CWF19L2: variants seen among roughly 807,000 people sequenced by gnomAD.
CWF19L2 encodes the protein CWF19 like cell cycle control factor 2.
Under a neutral mutation model 111.7 loss-of-function variants are expected in CWF19L2, and 98 were observed. The ratio of observed to expected loss-of-function variants is 0.88; its 90% confidence interval spans 0.75 to 1.04. The LOEUF (loss-of-function observed/expected upper bound fraction) is 1.04. Ranked by LOEUF, CWF19L2 falls within the 50% of genes least tolerant of loss-of-function variation. The probability of loss-of-function intolerance (pLI) is 0.00; values close to 1 mark genes in which losing one functional copy is unlikely to be tolerated. For missense variants in CWF19L2, 1,101 were observed against 1,051.4 expected, an observed-to-expected ratio of 1.05 and a Z score of -0.65; for synonymous variants, 351 against 342.9, an observed-to-expected ratio of 1.02 and a Z score of -0.26.
chr11:107,398,660 G>A (rs1860957556), intron 10 of CWF19L2, among the ~76,000 whole-genome samples: 1 of 152,188 alleles, frequency 6.6e-6, no homozygotes, highest in South Asian at 2.1e-4. Context: ...GACGTAGACA[G>A]CCAAATACAA....
chr11:107,378,163 T>C (rs956355184), intron 12 of CWF19L2, among the ~76,000 whole-genome samples: 3 of 150,298 alleles, frequency 2.0e-5, no homozygotes, highest in Non-Finnish European at 3.0e-5. Context: ...TTTTACACTG[T>C]TGGTGGGACT....
intron 10 of CWF19L2, among the ~76,000 whole-genome samples, chr11:107,401,714 C>A (rs968473199): frequency 1.3e-5 from 2 of 152,028 alleles, no homozygotes; most frequent in African/African-American, 4.8e-5. Context: ...TCACTCTTCA[C>A]AGAATTAGAA....
At chr11:107,354,505 T>G (rs1467922220) in intron 12 of CWF19L2, among the ~76,000 whole-genome samples, 2 of 152,208 alleles carry the variant, frequency 1.3e-5, no homozygotes, top group Non-Finnish European at 2.9e-5. Context: ...CAGAAGAGTT[T>G]TAGATTTCCA....
intron 14 of CWF19L2, among the ~76,000 whole-genome samples, chr11:107,347,113 A>T (rs1437859663): frequency 6.6e-6 from 1 of 152,180 alleles, no homozygotes; most frequent in Non-Finnish European, 1.5e-5. Flanking sequence ...TTTAGAGGGA[A>T]CCAAGTTTCA....
intron 11 of CWF19L2, among the ~76,000 whole-genome samples, chr11:107,392,078 T>C (rs1216361215): frequency 6.6e-6 from 1 of 152,032 alleles, no homozygotes; most frequent in Non-Finnish European, 1.5e-5. Flanking sequence ...TCCCATTACA[T>C]TAGAAGACAT....
intron 7 of CWF19L2, among the ~76,000 whole-genome samples, chr11:107,432,435 T>C (rs968069316): frequency 6.6e-6 from 1 of 151,952 alleles, no homozygotes; most frequent in African/African-American, 2.4e-5. Flanking sequence ...ATACAAAAAT[T>C]AGCCAGGCGT....
At position 107,329,929 on chromosome 11, in the gene CWF19L2, A is replaced by T; in HGVS notation, c.2530T>A (p.Tyr844Asn). 6.3e-7 allele frequency: 1 copy of T among 1,577,842 alleles called. No individual in the cohort carries two copies. The highest frequency in any genetic ancestry group is 8.6e-7 in the Non-Finnish European group (1 of 1,163,620). ...ATTTGTAAGCCTACCTTTCCAAAGT[A>T]ATGAGGGAATTTGTGCTGATCTTCA... ...VIEDQHKFPH[Y>N]FGKEIIGGML... is the part of the protein sequence containing the mutation. Residue 844 changes from tyrosine (Y) to asparagine (N), a missense_variant, in exon 17 of 18, where the codon TAC (tyrosine) becomes AAC (asparagine). Tyr to Asn is a moderately radical substitution (Grantham distance 143, BLOSUM62 -2). Coordinates refer to ENST00000282251, the MANE Select transcript of CWF19L2 (RefSeq NM_152434.3).
At chr11:107,384,763 G>C (rs1860740386) in intron 12 of CWF19L2, among the ~76,000 whole-genome samples, 1 of 152,136 alleles carries the variant, frequency 6.6e-6, no homozygotes, top group African/African-American at 2.4e-5. Flanking sequence ...AATATTTACT[G>C]TCTGGCCCTT....
rs1861652579 is a variant in CWF19L2, at chr11:107,442,947, T to C, written c.442A>G (p.Ile148Val). The change falls in exon 4 of 18, where the codon ATT (isoleucine) becomes GTT (valine). Residue 148 changes from isoleucine (I) to valine (V), a missense_variant. Physicochemically the swap from Ile to Val is conservative, Grantham distance 29 (BLOSUM62 3). Transcript: ENST00000282251. ...DEKSGKDDTQIIKRDEWMTVD... is the reference protein window; with the variant it reads ...DEKSGKDDTQVIKRDEWMTVD... ...TCAAGTGGCTTGCTTACCTTGATAA[T>C]TTGGGTGTCATCTTTTCCTGACTTT... The C allele has an allele frequency of 3.2e-6, 5 of 1,544,436 alleles. No homozygotes were observed. The highest frequency in any genetic ancestry group is 1.4e-5 in the African/African-American group (1 of 72,836).
chr11:107,441,557 A>C lies in CWF19L2; in HGVS notation c.516T>G (p.Ala172=). The change falls in exon 5 of 18, where the codon GCT becomes GCG. Residue 172 remains alanine, a synonymous_variant. Coordinates refer to ENST00000282251, the MANE Select transcript of CWF19L2 (RefSeq NM_152434.3). ...VKTVSSSSLK[A]EKETMRKIEQ... ...CTATTTTCCTCATAGTTTCCTTTTC[A>C]GCTTTGAGTGATGATGATGACACAG... The C allele has an allele frequency of 1.3e-6, 2 of 1,552,672 alleles. No individual in the cohort carries two copies. Among genetic ancestry groups the C allele is most frequent in the Non-Finnish European group, 1.7e-6 (2 of 1,147,548 alleles).
At chr11:107,362,652 C>T (rs1860373008) in intron 12 of CWF19L2, among the ~76,000 whole-genome samples, 1 of 151,376 alleles carries the variant, frequency 6.6e-6, no homozygotes, top group Admixed American at 6.6e-5. Context: ...GAAAGGACAT[C>T]CACACCAAAA....
chr11:107,364,914 G>C (rs1233936165), intron 12 of CWF19L2, among the ~76,000 whole-genome samples: 1 of 74,112 alleles, frequency 1.3e-5, no homozygotes, highest in African/African-American at 7.2e-5. Flanking sequence ...CAACAAAATT[G>C]ATAGACCGCT....
chr11:107,340,682 T>C (rs529242281), intron 14 of CWF19L2, among the ~76,000 whole-genome samples: 3 of 152,196 alleles, frequency 2.0e-5, no homozygotes, highest in African/African-American at 7.2e-5. Context: ...TGCCTTTCCA[T>C]ATAAAGTTTA....
chr11:107,455,014 G>A (rs1401845570), intron 2 of CWF19L2, among the ~76,000 whole-genome samples: 1 of 152,136 alleles, frequency 6.6e-6, no homozygotes, highest in East Asian at 1.9e-4. Flanking sequence ...GAAGAGGCTA[G>A]GGGAAGGAGC....
chr11:107,336,637 A>T lies in CWF19L2; in HGVS notation c.2279T>A (p.Met760Lys). 6.2e-7 allele frequency: 1 copy of T among 1,603,650 alleles called. No homozygotes were observed. The highest frequency in any genetic ancestry group is 8.5e-7 in the Non-Finnish European group (1 of 1,173,776). ...ATAAACCATGTGATACTGTTTCTTC[A>T]TGCTCATATTAGTTTCCAAAAAAAT... ...DCIFLETNMS[M>K]KKQYHMVYEC... Residue 760 changes from methionine to lysine, a missense_variant, in exon 15 of 18, where the codon ATG becomes AAG. By Grantham distance (95) the Met-to-Lys change is moderately conservative. Transcript: ENST00000282251.
intron 8 of CWF19L2, 51 bp downstream of exon 8, chr11:107,428,748 T>C: frequency 7.2e-7 from 1 of 1,383,276 alleles, no homozygotes; most frequent in East Asian, 2.3e-5. Context: ...ACAGTTCTGT[T>C]CTTTGAACTC....
intron 3 of CWF19L2, 99 bp downstream of exon 3, chr11:107,454,351 T>C: frequency 2.1e-6 from 2 of 946,892 alleles, no homozygotes; most frequent in Non-Finnish European, 2.8e-6. Context: ...ACTAGTAATA[T>C]ATTTTTTACG....
chr11:107,397,856 C>CG (rs1194873605), intron 10 of CWF19L2, among the ~76,000 whole-genome samples: 33 of 105,504 alleles, frequency 3.1e-4, no homozygotes, highest in African/African-American at 1.2e-3. Context: ...TCTGTGAAAA[C>CG]CCCCCGTACC....
intron 10 of CWF19L2, among the ~76,000 whole-genome samples, chr11:107,408,481 A>G (rs1199873334): frequency 6.6e-6 from 1 of 151,944 alleles, no homozygotes; most frequent in African/African-American, 2.4e-5. Flanking sequence ...ATTTTATGTG[A>G]GGTATGAGAC....
Sources: allele counts gnomAD v4.1 joint callset (sites outside exome capture counted in the v4.1 genomes callset), GRCh38; gene constraint gnomAD v4.1.1; transcripts MANE v1.5; gene names NCBI Gene and HGNC (gene_info 2026-07-23, HGNC 2026-07-21).